Variants in SLC39A12 observed in about 807,000 individuals in gnomAD.
SLC39A12 encodes the protein zinc transporter ZIP12.
Under a neutral mutation model 71.1 loss-of-function variants are expected in SLC39A12, and 63 were observed. That is an observed-to-expected ratio of 0.89 (90% CI 0.72 to 1.09). The LOEUF (loss-of-function observed/expected upper bound fraction) is 1.09, where lower values mean the gene tolerates loss of function less well. Among genes scored for constraint, SLC39A12 ranks in the 50% least tolerant of loss-of-function variants. SLC39A12 has a pLI of 0.00. For missense variants in SLC39A12, 892 were observed against 812.6 expected (o/e 1.10, Z -1.19); for synonymous variants, 351 against 301.3 (o/e 1.16, Z -1.71).
chr10:18,009,897 A>G (rs574448605), intron 12 of SLC39A12: 1 of 152,206 alleles, frequency 6.6e-6, no homozygotes, highest in Non-Finnish European at 1.5e-5. Context: ...CATCCTCTCT[A>G]CACTTATTGT....
chr10:17,972,590 C>G (rs1835003102), intron 4 of SLC39A12, among the ~76,000 whole-genome samples: 1 of 152,046 alleles, frequency 6.6e-6, no homozygotes, highest in African/African-American at 2.4e-5. Context: ...TATATAGTGA[C>G]CTTTGTCCCT....
At chr10:17,995,627 T>C (rs2130832633) in intron 9 of SLC39A12, 29 bp from the exon 10 acceptor site, 1 of 1,598,410 alleles carries the variant, frequency 6.3e-7, no homozygotes, top group Non-Finnish European at 8.6e-7. Context: ...TTACTTATCT[T>C]TCATCAGTTA....
At chr10:17,969,386 T>TTCTA (rs1380806243) in intron 4 of SLC39A12, among the ~76,000 whole-genome samples, 32 of 152,212 alleles carry the variant, frequency 2.1e-4, no homozygotes, top group Non-Finnish European at 3.4e-4. Flanking sequence ...ATAGGGGTCA[T>TTCTA]ACTAACTTAC....
At chr10:17,982,576 C>T (rs1169906560) in intron 6 of SLC39A12, among the ~76,000 whole-genome samples, 1 of 152,096 alleles carries the variant, frequency 6.6e-6, no homozygotes, top group Non-Finnish European at 1.5e-5. Context: ...AAAAACACGC[C>T]AGGCCTAAAT....
chr10:18,037,606 GA>G (rs1408426178), intron 12 of SLC39A12, among the ~76,000 whole-genome samples: 7 of 146,824 alleles, frequency 4.8e-5, no homozygotes, highest in Non-Finnish European at 1.0e-4. Context: ...TAAAAGGGGG[GA>G]AATATATATG....
At chr10:18,023,156 G>A (rs564261031) in intron 12 of SLC39A12, among the ~76,000 whole-genome samples, 7 of 152,238 alleles carry the variant, frequency 4.6e-5, no homozygotes, top group African/African-American at 1.7e-4. Flanking sequence ...CCAGCTGGGG[G>A]GCAGCAGGGA....
chr10:18,001,894 G>A (rs1445940643), intron 11 of SLC39A12: 3 of 148,892 alleles, frequency 2.0e-5, no homozygotes, highest in Non-Finnish European at 4.5e-5. Flanking sequence ...TCGTCCTGTT[G>A]TGCTATCAAA....
intron 6 of SLC39A12, among the ~76,000 whole-genome samples, chr10:17,985,934 G>A (rs189634431): frequency 1.3e-5 from 2 of 151,930 alleles, no homozygotes; most frequent in East Asian, 1.9e-4. Context: ...TTTTATTATC[G>A]ACTGTTACAC....
intron 12 of SLC39A12, among the ~76,000 whole-genome samples, chr10:18,042,016 C>T (rs75133832): frequency 0.021 from 3,173 of 151,694 alleles, 54 homozygotes; most frequent in African/African-American, 0.04. Flanking sequence ...TCCCTCCTCC[C>T]ATAATATGTA....
At chr10:17,984,807 A>C in intron 6 of SLC39A12, among the ~76,000 whole-genome samples, 1 of 152,098 alleles carries the variant, frequency 6.6e-6, no homozygotes, top group Admixed American at 6.6e-5. Flanking sequence ...CAAAACTAAA[A>C]CTCTATACCC....
At chr10:17,968,383 A>G (rs1834886791) in intron 4 of SLC39A12, among the ~76,000 whole-genome samples, 2 of 152,158 alleles carry the variant, frequency 1.3e-5, no homozygotes, top group Non-Finnish European at 2.9e-5. Flanking sequence ...ATATATTTAT[A>G]GAGTCTTTCA....
At chr10:18,036,526 C>A (rs1250798606) in intron 12 of SLC39A12, among the ~76,000 whole-genome samples, 3 of 151,690 alleles carry the variant, frequency 2.0e-5, no homozygotes, top group Non-Finnish European at 2.9e-5. Flanking sequence ...GTGCGCGCAC[C>A]CACTGGCCTG....
chr10:17,953,696 G>A (rs1834466588), intron 2 of SLC39A12, among the ~76,000 whole-genome samples, 159 bp downstream of exon 2: 1 of 152,190 alleles, frequency 6.6e-6, no homozygotes, highest in Non-Finnish European at 1.5e-5. Flanking sequence ...TTGGGATACA[G>A]CAAATCAGCA....
chr10:17,967,935 C>T (rs575324398), intron 4 of SLC39A12, among the ~76,000 whole-genome samples: 2 of 149,362 alleles, frequency 1.3e-5, no homozygotes, highest in South Asian at 4.2e-4. Flanking sequence ...ATTTATTTCC[C>T]TCACAGAGAT....
chr10:18,003,480 C>G (rs747956715), intron 12 of SLC39A12, 122 bp downstream of exon 12: 2 of 894,794 alleles, frequency 2.2e-6, no homozygotes, highest in Non-Finnish European at 3.3e-6. Context: ...ACAATATAAA[C>G]CATTAAGGAA....
intron 5 of SLC39A12, 129 bp downstream of exon 5, chr10:17,978,203 G>A: frequency 1.4e-6 from 1 of 694,192 alleles, no homozygotes; most frequent in Non-Finnish European, 2.2e-6. Flanking sequence ...AAATATTCTA[G>A]TTCCACCACG....
intron 9 of SLC39A12, among the ~76,000 whole-genome samples, chr10:17,993,614 C>T (rs974230686): frequency 3.9e-5 from 6 of 152,186 alleles, no homozygotes; most frequent in Non-Finnish European, 8.8e-5. Flanking sequence ...CCTTTGCATT[C>T]TGAGTAATCC....
rs1589257485 is a variant in SLC39A12, at chr10:18,031,049, G to A, written c.1948-11656G>A. 3.3e-5 allele frequency among the ~76,000 whole-genome samples: 5 copies of A among 150,370 alleles called. No homozygotes were observed. In the South Asian group the frequency reaches 8.5e-4, roughly 26 times the overall value. On this transcript the variant is annotated intron_variant, in intron 12 of 12. Coordinates refer to ENST00000377369, the MANE Select transcript of SLC39A12 (RefSeq NM_001145195.2). The stretch of plus-strand genomic sequence containing the variant: ...CATTTTCTTAATCCAGTCTGTCATT[G>A]TTGGACATTTGGGTTGGTTCCAAGT...
chr10:18,022,964 C>T (rs1019507434), intron 12 of SLC39A12, among the ~76,000 whole-genome samples: 2 of 152,098 alleles, frequency 1.3e-5, no homozygotes, highest in Admixed American at 1.3e-4. Context: ...AGAGTAATGA[C>T]CAGTAGACAG....
Sources: allele counts gnomAD v4.1 joint callset (sites outside exome capture counted in the v4.1 genomes callset), GRCh38; gene constraint gnomAD v4.1.1; transcripts MANE v1.5; gene names NCBI Gene and HGNC (gene_info 2026-07-23, HGNC 2026-07-21).